SPOCK1: variants seen among roughly 807,000 people sequenced by gnomAD.
The protein encoded by SPOCK1 is testican-1.
SPOCK1 carries 23 observed loss-of-function variants against 55.3 expected under a neutral mutation model. That is an observed-to-expected ratio of 0.42 (90% confidence interval 0.30 to 0.59). The LOEUF (loss-of-function observed/expected upper bound fraction) is 0.59, where lower values mean the gene tolerates loss of function less well. Among genes scored for constraint, SPOCK1 ranks in the 20% least tolerant of loss-of-function variants. The probability of loss-of-function intolerance (pLI) is 0.22; values close to 1 mark genes in which losing one functional copy is unlikely to be tolerated. For missense variants in SPOCK1, 499 were observed against 552.5 expected (o/e 0.90, Z 0.97); for synonymous variants, 226 against 221.0 (o/e 1.02, Z -0.20).
At chr5:137,067,648 G>C in intron 6 of SPOCK1, 67 bp downstream of exon 6, 1 of 1,367,656 alleles carries the variant, frequency 7.3e-7, no homozygotes, top group Non-Finnish European at 1.0e-6. Context: ...GACAGAGCTC[G>C]GCCACATCAA....
At chr5:137,132,020 A>ATATATATATATATAT (rs1491415264) in intron 4 of SPOCK1, among the ~76,000 whole-genome samples, 1 of 84,278 alleles carries the variant, frequency 1.2e-5, no homozygotes, top group Non-Finnish European at 2.4e-5. Context: ...ATATATATAT[A>ATATATATATATATAT]AAAAATTAGC....
At chr5:137,299,290 C>CAT (rs1245437806) in intron 2 of SPOCK1, among the ~76,000 whole-genome samples, 1 of 151,974 alleles carries the variant, frequency 6.6e-6, no homozygotes, top group Non-Finnish European at 1.5e-5. Flanking sequence ...TGCTGATGTT[C>CAT]ATATATATGA....
chr5:137,145,437 T>C (rs1397902330), intron 3 of SPOCK1, among the ~76,000 whole-genome samples: 2 of 152,188 alleles, frequency 1.3e-5, no homozygotes. Flanking sequence ...GAGCACATCC[T>C]ATAGGCTAAT....
chr5:137,464,873 T>C lies in SPOCK1; in HGVS notation c.186+33500A>G, dbSNP rs1753568110. Among the ~76,000 whole-genome samples the C allele has an allele frequency of 2.0e-5, 3 of 152,220 alleles. No individual in the cohort carries two copies. In the South Asian group the frequency reaches 6.2e-4, roughly 32 times the overall value. On this transcript the variant is annotated intron_variant, in intron 2 of 10. Transcript: ENST00000394945. ...TATGTGGTAGCAGAAACATTCCTAG[T>C]GAATTAAATTATCCAGGAGAGATTA...
At chr5:137,022,218 G>C (rs1309961122) in intron 6 of SPOCK1, among the ~76,000 whole-genome samples, 1 of 152,090 alleles carries the variant, frequency 6.6e-6, no homozygotes, top group Non-Finnish European at 1.5e-5. Context: ...CACTTGCCCT[G>C]GGAATCTAGC....
In SPOCK1 at chr5:137,247,856, C is replaced by T. The variant is rs139056475; in HGVS notation, c.232+19154G>A. Among the ~76,000 whole-genome samples the T allele has an allele frequency of 4.6e-3, 693 of 152,266 alleles. 5 individuals are homozygous for T. Among genetic ancestry groups the T allele is most frequent in the African/African-American group, 0.015 (634 of 41,544 alleles). ...CTAATCCATTTCCACGAGAACTAAT[C>T]AGTCTCACAAGAACTCACTACCTGG... On this transcript the variant is annotated intron_variant, in intron 3 of 10. Transcript: ENST00000394945.
intron 2 of SPOCK1, among the ~76,000 whole-genome samples, chr5:137,468,201 G>A (rs1753661460): frequency 6.6e-6 from 1 of 152,168 alleles, no homozygotes; most frequent in East Asian, 1.9e-4. Context: ...TTTTACATGA[G>A]TAATGCTACT....
At chr5:137,472,252 G>A (rs1000989326) in intron 2 of SPOCK1, among the ~76,000 whole-genome samples, 1 of 152,104 alleles carries the variant, frequency 6.6e-6, no homozygotes, top group African/African-American at 2.4e-5. Context: ...AGAGTTTCTG[G>A]TCAGACAGGA....
chr5:137,409,151 G>T (rs924728314), intron 2 of SPOCK1, among the ~76,000 whole-genome samples: 1 of 152,118 alleles, frequency 6.6e-6, no homozygotes, highest in Non-Finnish European at 1.5e-5. Flanking sequence ...CATCCAGGAA[G>T]CACAAGATAT....
rs971757547 is a variant in SPOCK1, at chr5:136,977,734, G to C, written c.*920C>G. ...TTCTGCGAGAAAAGTGATTTAGGCA[G>C]ACGGAGGTTTTTTCTCAATCAGAGG... On this transcript the variant is annotated 3_prime_UTR_variant, in exon 11 of 11. Transcript: ENST00000394945. 5.0e-6 allele frequency: 2 copies of C among 398,800 alleles called. No individual in the cohort carries two copies. The highest frequency in any genetic ancestry group is 8.8e-6 in the Non-Finnish European group (2 of 226,030). 24.7% of individuals were successfully genotyped at this position (398,800 alleles called of 1,614,324 possible).
intron 2 of SPOCK1, among the ~76,000 whole-genome samples, chr5:137,299,435 T>C (rs1757545988): frequency 6.6e-6 from 1 of 151,892 alleles, no homozygotes; most frequent in African/African-American, 2.4e-5. Context: ...TATACATATA[T>C]AGTCCTGTAT....
chr5:137,044,955 C>A (rs1376165628), intron 6 of SPOCK1, among the ~76,000 whole-genome samples: 13 of 140,926 alleles, frequency 9.2e-5, no homozygotes, highest in Non-Finnish European at 1.5e-4. Context: ...CATCCATGTC[C>A]CTACAAAGGA....
At chr5:137,197,120 C>T (rs904765429) in intron 3 of SPOCK1, among the ~76,000 whole-genome samples, 13 of 152,168 alleles carry the variant, frequency 8.5e-5, no homozygotes, top group African/African-American at 2.7e-4. Flanking sequence ...TGGAGGCTCA[C>T]TGATTCTGCG....
rs531795425 is a variant in SPOCK1, at chr5:136,976,102, A to C, written c.*2552T>G. On this transcript the variant is annotated 3_prime_UTR_variant, in exon 11 of 11. Coordinates refer to ENST00000394945, the MANE Select transcript of SPOCK1 (RefSeq NM_004598.4). ...GGACTATTTCCAAGAAGAAGAAAGC[A>C]AACATTCTACTTCTAAGGATAAGGT... 6.6e-6 allele frequency: 1 copy of C among 152,306 alleles called. No individual in the cohort carries two copies. Among genetic ancestry groups the C allele is most frequent in the African/African-American group, 2.4e-5 (1 of 41,568 alleles). 9.4% of individuals were successfully genotyped at this position (152,306 alleles called of 1,614,324 possible). A position where few individuals can be genotyped will look rare whatever the true frequency, so the allele number is the denominator to read the frequency against.
chr5:137,447,180 C>A (rs1301678130), intron 2 of SPOCK1, among the ~76,000 whole-genome samples: 1 of 152,168 alleles, frequency 6.6e-6, no homozygotes, highest in Non-Finnish European at 1.5e-5. Flanking sequence ...CTGTTTTGAA[C>A]AACAGGTCAG....
At chr5:137,085,694 A>C (rs1304151899) in intron 5 of SPOCK1, among the ~76,000 whole-genome samples, 2 of 152,246 alleles carry the variant, frequency 1.3e-5, no homozygotes, top group Admixed American at 1.3e-4. Context: ...GGTGATGACG[A>C]TGACAGAAAC....
At chr5:137,003,102 TG>T (rs769807711) in intron 6 of SPOCK1, among the ~76,000 whole-genome samples, 1 of 152,214 alleles carries the variant, frequency 6.6e-6, no homozygotes, top group Non-Finnish European at 1.5e-5. Context: ...AAATCATAAA[TG>T]TATATAAAAT....
intron 2 of SPOCK1, among the ~76,000 whole-genome samples, chr5:137,319,787 T>C (rs1403733611): frequency 1.3e-5 from 2 of 150,572 alleles, no homozygotes; most frequent in African/African-American, 4.9e-5. Context: ...CTACTAAAAA[T>C]ACAAAAAATT....
In SPOCK1 at chr5:137,074,117, TA is replaced by T. The variant is rs1263631575; in HGVS notation, c.475-6289del. Among the ~76,000 whole-genome samples, 4 of 152,294 alleles carry T rather than the reference TA, an allele frequency of 2.6e-5. No homozygotes were observed. The South Asian group carries it at 8.3e-4, about 32-fold the overall frequency. On this transcript the variant is annotated intron_variant, in intron 5 of 10. Coordinates refer to ENST00000394945, the MANE Select transcript of SPOCK1 (RefSeq NM_004598.4). The stretch of plus-strand genomic sequence containing the variant: ...GGACATTTTATAACAGTCTGAACTC[TA>T]AAAGCAAACCAAACAAACCTGGGGC...
Sources: gnomAD v4.1 joint callset for allele counts (sites outside exome capture counted in the v4.1 genomes callset) on GRCh38, gnomAD v4.1.1 for gene constraint, MANE v1.5 for transcripts, NCBI Gene and HGNC (gene_info 2026-07-23, HGNC 2026-07-21) for gene names.